Variants in SYK observed in about 807,000 individuals in gnomAD.
The protein encoded by SYK is tyrosine-protein kinase SYK.
A neutral mutation model predicts 77.8 loss-of-function variants in SYK; 16 were observed. The observed-to-expected ratio is 0.21, with a 90% CI of 0.14 to 0.31. SYK has a LOEUF of 0.31. Among genes scored for constraint, SYK ranks in the 10% least tolerant of loss-of-function variants. The pLI is 1.00. For synonymous variants in SYK, 312 were observed against 308.7 expected, an observed-to-expected ratio of 1.01 and a Z score of -0.11; for missense variants, 529 against 814.4, an observed-to-expected ratio of 0.65 and a Z score of 4.26.
At chr9:90,855,221 G>T (rs1022479314) in intron 3 of SYK, among the ~76,000 whole-genome samples, 1 of 152,074 alleles carries the variant, frequency 6.6e-6, no homozygotes, top group African/African-American at 2.4e-5. Context: ...TGGGATATAC[G>T]TGAATAAAAT....
chr9:90,803,107 T>C (rs1184808479), intron 1 of SYK, among the ~76,000 whole-genome samples: 1 of 152,224 alleles, frequency 6.6e-6, no homozygotes, highest in African/African-American at 2.4e-5. Flanking sequence ...TTAAGTGTTT[T>C]AAGTGAGAAA....
chr9:90,820,861 CT>C (rs548831527), intron 1 of SYK, among the ~76,000 whole-genome samples: 7,661 of 145,220 alleles, frequency 0.053, 613 homozygotes, highest in African/African-American at 0.17. Flanking sequence ...CTTTTATGCT[CT>C]TTTTTTTTTT....
At chr9:90,804,954 G>A (rs1368128188) in intron 1 of SYK, among the ~76,000 whole-genome samples, 1 of 71,628 alleles carries the variant, frequency 1.4e-5, no homozygotes, top group African/African-American at 4.4e-5. Flanking sequence ...ATCAATTTGA[G>A]GTTTTTTTTT....
chr9:90,864,514 T>G (rs1827397720), intron 4 of SYK, 75 bp from the exon 5 acceptor site: 1 of 1,305,050 alleles, frequency 7.7e-7, no homozygotes, highest in South Asian at 1.2e-5. Flanking sequence ...CAACAGTCAG[T>G]CAGTAGCTCT....
intron 1 of SYK, among the ~76,000 whole-genome samples, chr9:90,836,548 C>G (rs1425244930): frequency 6.6e-6 from 1 of 152,196 alleles, no homozygotes; most frequent in Non-Finnish European, 1.5e-5. Context: ...TTCATAGCCA[C>G]TTCCTGTTGC....
intron 6 of SYK, 87 bp from the exon 7 acceptor site, chr9:90,867,044 A>G: frequency 6.7e-7 from 1 of 1,494,844 alleles, no homozygotes; most frequent in Admixed American, 1.7e-5. Context: ...CGATTATAGA[A>G]GCAAATTTAA....
At chr9:90,891,128 C>T (rs758425837) in intron 13 of SYK, among the ~76,000 whole-genome samples, 2 of 147,042 alleles carry the variant, frequency 1.4e-5, no homozygotes, top group South Asian at 2.2e-4. Flanking sequence ...CCTTGGCCGA[C>T]GCCATGTTGC....
intron 5 of SYK, 95 bp from the exon 6 acceptor site, chr9:90,864,953 G>A: frequency 1.6e-6 from 2 of 1,265,676 alleles, no homozygotes; most frequent in South Asian, 1.2e-5. Flanking sequence ...TCAAGCAGCA[G>A]CACATCCTGA....
At chr9:90,883,261 T>C (rs949960801) in intron 11 of SYK, among the ~76,000 whole-genome samples, 34 of 152,028 alleles carry the variant, frequency 2.2e-4, no homozygotes, top group Admixed American at 2.2e-3. Context: ...GCTGCCTGCC[T>C]ACACTGCTCC....
At chr9:90,805,098 A>T (rs113323426) in intron 1 of SYK, among the ~76,000 whole-genome samples, 11 of 152,244 alleles carry the variant, frequency 7.2e-5, no homozygotes, top group Non-Finnish European at 1.6e-4. Context: ...GTTACAGTAC[A>T]TTTAATAAAT....
chr9:90,803,654 T>C (rs1187622444), intron 1 of SYK, among the ~76,000 whole-genome samples: 1 of 152,118 alleles, frequency 6.6e-6, no homozygotes, highest in Non-Finnish European at 1.5e-5. Flanking sequence ...GACTTCTTAG[T>C]AGAACTTCAC....
chr9:90,855,011 T>TACACACACACACACAC (rs55839931), intron 3 of SYK, among the ~76,000 whole-genome samples: 1,448 of 143,388 alleles, frequency 0.01, 15 homozygotes, highest in East Asian at 0.035. Context: ...CACACATACA[T>TACACACACACACACAC]ACACACACAC....
intron 3 of SYK, among the ~76,000 whole-genome samples, chr9:90,860,540 G>C (rs146573289): frequency 6.6e-6 from 1 of 152,122 alleles, no homozygotes; most frequent in Non-Finnish European, 1.5e-5. Context: ...CTGGCAACTC[G>C]GTTGGTTTGG....
At chr9:90,884,660 T>G (rs1156898294) in intron 11 of SYK, among the ~76,000 whole-genome samples, 2 of 62,440 alleles carry the variant, frequency 3.2e-5, no homozygotes, top group Non-Finnish European at 6.1e-5. Flanking sequence ...TATACACATA[T>G]GTGTACATGT....
intron 1 of SYK, among the ~76,000 whole-genome samples, chr9:90,836,895 A>G (rs939287095): frequency 6.6e-6 from 1 of 152,230 alleles, no homozygotes; most frequent in Non-Finnish European, 1.5e-5. Flanking sequence ...TGGATGAGTC[A>G]TCTTGTAAAC....
intron 3 of SYK, among the ~76,000 whole-genome samples, chr9:90,855,002 A>C (rs1587867465): frequency 1.0e-5 from 1 of 97,392 alleles, no homozygotes. Context: ...TCTCACACAC[A>C]CACATACATA....
Position 90,817,427 on chromosome 9 carries a change from A to G in SYK, c.-42+15534A>G, listed in dbSNP as rs528921588. On this transcript the variant is annotated intron_variant, in intron 1 of 13. Coordinates refer to ENST00000375754, the MANE Select transcript of SYK (RefSeq NM_003177.7). ...TCCTATTTCATTTTTCTCAAGCTCC[A>G]CAGATCCTGTCCCCCATGCTGCCTG... Among the ~76,000 whole-genome samples the G allele has an allele frequency of 1.5e-4, 23 of 152,180 alleles. No homozygotes were observed. The South Asian group carries it at 2.9e-3, about 19-fold the overall frequency.
chr9:90,826,683 G>A (rs1439414454), intron 1 of SYK, among the ~76,000 whole-genome samples: 2 of 152,160 alleles, frequency 1.3e-5, no homozygotes, highest in Non-Finnish European at 2.9e-5. Flanking sequence ...TGTGGAGTGG[G>A]CCCTGGCTGA....
chr9:90,856,847 T>C (rs1827056557), intron 3 of SYK, among the ~76,000 whole-genome samples: 1 of 152,232 alleles, frequency 6.6e-6, no homozygotes, highest in Non-Finnish European at 1.5e-5. Context: ...CTGATTGATA[T>C]TAATCTGTGG....
Sources: allele counts gnomAD v4.1 joint callset (sites outside exome capture counted in the v4.1 genomes callset), GRCh38; gene constraint gnomAD v4.1.1; transcripts MANE v1.5; gene names NCBI Gene and HGNC (gene_info 2026-07-23, HGNC 2026-07-21).